Variants in SUGCT observed in about 807,000 individuals in gnomAD.
SUGCT encodes succinyl-CoA:glutarate-CoA transferase.
Under a neutral mutation model 55.0 loss-of-function variants are expected in SUGCT, and 41 were observed. The observed-to-expected ratio is 0.74, with a 90% confidence interval of 0.58 to 0.97. The LOEUF (loss-of-function observed/expected upper bound fraction) is 0.97, where lower values mean the gene tolerates loss of function less well. Ranked by LOEUF, SUGCT falls within the 50% of genes least tolerant of loss-of-function variation. The pLI is 0.00. For synonymous variants in SUGCT, 187 were observed against 200.4 expected (o/e 0.93, Z 0.56); for missense variants, 568 against 547.8 (o/e 1.04, Z -0.37).
chr7:40,343,024 G>A (rs1797132934), intron 9 of SUGCT, among the ~76,000 whole-genome samples: 1 of 152,064 alleles, frequency 6.6e-6, no homozygotes, highest in South Asian at 2.1e-4. Flanking sequence ...TAGACACATG[G>A]CATATAAGAA....
intron 9 of SUGCT, among the ~76,000 whole-genome samples, chr7:40,390,888 A>G (rs1785390397): frequency 6.6e-6 from 1 of 152,318 alleles, no homozygotes; most frequent in Admixed American, 6.5e-5. Context: ...AAACTATACT[A>G]CAAGGCTACA....
At chr7:40,635,839 G>C (rs1799999427) in intron 12 of SUGCT, among the ~76,000 whole-genome samples, 2 of 152,190 alleles carry the variant, frequency 1.3e-5, no homozygotes, top group South Asian at 4.1e-4. Context: ...GGTATCACTG[G>C]ATGATTCAAG....
At chr7:40,581,977 A>G (rs1448570990) in intron 12 of SUGCT, among the ~76,000 whole-genome samples, 1 of 152,232 alleles carries the variant, frequency 6.6e-6, no homozygotes, top group Non-Finnish European at 1.5e-5. Flanking sequence ...AGGAAACATA[A>G]AATAAAACAA....
chr7:40,151,499 G>A (rs913074780), intron 1 of SUGCT: 2 of 158,828 alleles, frequency 1.3e-5, no homozygotes, highest in South Asian at 1.9e-4. Flanking sequence ...AAACACTATT[G>A]TATATGCCTG....
Position 40,665,488 on chromosome 7 carries a change from T to C in SUGCT, c.1090-83946T>C, listed in dbSNP as rs935075602. On this transcript the variant is annotated intron_variant, in intron 12 of 13. Coordinates refer to ENST00000335693, the MANE Select transcript of SUGCT (RefSeq NM_001193313.2). ...ATAAATAAATAAATAAAGTACTGGC[T>C]CAAGAGAGAAGAGAAAAACCAGGAA... 4.0e-5 allele frequency among the ~76,000 whole-genome samples: 6 copies of C among 149,876 alleles called. No homozygotes were observed. In the South Asian group the frequency reaches 1.3e-3, roughly 32 times the overall value.
At chr7:40,543,817 GT>G (rs1794835015) in intron 12 of SUGCT, among the ~76,000 whole-genome samples, 1 of 152,192 alleles carries the variant, frequency 6.6e-6, no homozygotes, top group Non-Finnish European at 1.5e-5. Flanking sequence ...TGTAGAGTGT[GT>G]TTTAATAATA....
At chr7:40,779,439 C>T (rs1374197100) in intron 13 of SUGCT, among the ~76,000 whole-genome samples, 1 of 152,120 alleles carries the variant, frequency 6.6e-6, no homozygotes, top group African/African-American at 2.4e-5. Context: ...GTATGAAACA[C>T]TTTTGTCTCC....
intron 12 of SUGCT, among the ~76,000 whole-genome samples, chr7:40,680,042 C>T (rs1784168869): frequency 6.6e-6 from 1 of 152,072 alleles, no homozygotes; most frequent in African/African-American, 2.4e-5. Context: ...ATATTTTGGA[C>T]CCTTCAGCTT....
chr7:40,465,503 G>A (rs1041159877), intron 11 of SUGCT, among the ~76,000 whole-genome samples: 1 of 152,026 alleles, frequency 6.6e-6, no homozygotes, highest in African/African-American at 2.4e-5. Flanking sequence ...CCAGCTACTC[G>A]AGAAGCCGAG....
chr7:40,718,227 T>C (rs1421561020), intron 12 of SUGCT, among the ~76,000 whole-genome samples: 1 of 152,224 alleles, frequency 6.6e-6, no homozygotes, highest in Non-Finnish European at 1.5e-5. Context: ...TTGTGTCTCA[T>C]ATGTGTATTA....
At chr7:40,397,280 C>G (rs1225749270) in intron 9 of SUGCT, among the ~76,000 whole-genome samples, 1 of 148,754 alleles carries the variant, frequency 6.7e-6, no homozygotes, top group African/African-American at 2.4e-5. Flanking sequence ...CCACCTTTTA[C>G]TGACAAAATT....
chr7:40,724,059 G>A (rs906735060), intron 12 of SUGCT, among the ~76,000 whole-genome samples: 1 of 152,146 alleles, frequency 6.6e-6, no homozygotes, highest in African/African-American at 2.4e-5. Flanking sequence ...AAAATGAAAA[G>A]ATATTTATGC....
At chr7:40,756,741 T>G (rs888795301) in intron 13 of SUGCT, among the ~76,000 whole-genome samples, 5 of 152,160 alleles carry the variant, frequency 3.3e-5, no homozygotes, top group African/African-American at 4.8e-5. Flanking sequence ...AAAACCAATG[T>G]GAAAATGAAA....
At chr7:40,498,679 C>A (rs1792117560) in intron 12 of SUGCT, among the ~76,000 whole-genome samples, 1 of 152,182 alleles carries the variant, frequency 6.6e-6, no homozygotes. Context: ...GGTGAAATAG[C>A]ATCTGAGATA....
intron 1 of SUGCT, among the ~76,000 whole-genome samples, chr7:40,176,461 C>T (rs1469476568): frequency 1.3e-5 from 2 of 152,036 alleles, no homozygotes; most frequent in East Asian, 3.9e-4. Context: ...TTTTTAAAAT[C>T]AAAGTTTTAG....
At chr7:40,401,339 A>G (rs1389361744) in intron 9 of SUGCT, among the ~76,000 whole-genome samples, 1 of 152,208 alleles carries the variant, frequency 6.6e-6, no homozygotes, top group African/African-American at 2.4e-5. Flanking sequence ...GCTATACACT[A>G]GGTCCAATAG....
chr7:40,732,514 G>A (rs372293289), intron 12 of SUGCT, among the ~76,000 whole-genome samples: 5 of 152,296 alleles, frequency 3.3e-5, no homozygotes, highest in African/African-American at 9.6e-5. Flanking sequence ...GGCAAAGTAA[G>A]GTGGGCATCG....
At chr7:40,672,455 T>C (rs537301748) in intron 12 of SUGCT, among the ~76,000 whole-genome samples, 1 of 152,252 alleles carries the variant, frequency 6.6e-6, no homozygotes, top group East Asian at 1.9e-4. Context: ...AAAAAGACAA[T>C]CCCAGTAGGT....
At chr7:40,576,572 A>G (rs902317889) in intron 12 of SUGCT, among the ~76,000 whole-genome samples, 3 of 152,214 alleles carry the variant, frequency 2.0e-5, no homozygotes, top group African/African-American at 7.2e-5. Context: ...GGCATAGGGC[A>G]TGGCTGTTCA....
Sources: allele counts gnomAD v4.1 joint callset (sites outside exome capture counted in the v4.1 genomes callset), GRCh38; gene constraint gnomAD v4.1.1; transcripts MANE v1.5; gene names NCBI Gene and HGNC (gene_info 2026-07-23, HGNC 2026-07-21).